Variants in SHISA9 observed in about 807,000 individuals in gnomAD.
The protein encoded by SHISA9 is shisa family member 9.
Under a neutral mutation model 38.0 loss-of-function variants are expected in SHISA9, and 13 were observed. The observed-to-expected ratio is 0.34, with a 90% CI of 0.22 to 0.54. The LOEUF (loss-of-function observed/expected upper bound fraction) is 0.54, where lower values mean the gene tolerates loss of function less well. Among genes scored for constraint, SHISA9 ranks in the 20% least tolerant of loss-of-function variants. The pLI, the probability that SHISA9 is intolerant of heterozygous loss-of-function variation, is 0.91. For missense variants in SHISA9, 538 were observed against 575.8 expected (o/e 0.93, Z 0.67); for synonymous variants, 275 against 242.0 (o/e 1.14, Z -1.27).
At chr16:13,161,250 C>A (rs1149419) in intron 2 of SHISA9, among the ~76,000 whole-genome samples, 117,479 of 151,942 alleles carry the variant, frequency 0.77, 45,501 homozygotes, top group East Asian at 0.88. Context: ...GCGTGGTGAG[C>A]CCTTTGCTAC....
intron 2 of SHISA9, among the ~76,000 whole-genome samples, chr16:13,070,836 C>T (rs1280386908): frequency 1.3e-5 from 2 of 152,142 alleles, no homozygotes; most frequent in African/African-American, 4.8e-5. Context: ...GGGATTCGAA[C>T]CCAGGAGTGT....
intron 2 of SHISA9, among the ~76,000 whole-genome samples, chr16:13,063,299 C>T (rs1429479960): frequency 5.9e-5 from 9 of 152,146 alleles, no homozygotes; most frequent in Admixed American, 5.9e-4. Flanking sequence ...AGCCACTGCA[C>T]CTGGCCCTCA....
At chr16:13,137,438 A>G (rs1301113371) in intron 2 of SHISA9, among the ~76,000 whole-genome samples, 1 of 152,062 alleles carries the variant, frequency 6.6e-6, no homozygotes, top group Non-Finnish European at 1.5e-5. Context: ...TAGAGAGCCC[A>G]TAACGGAGGA....
At chr16:13,059,569 G>T (rs1223309315) in intron 2 of SHISA9, among the ~76,000 whole-genome samples, 1 of 151,958 alleles carries the variant, frequency 6.6e-6, no homozygotes, top group African/African-American at 2.4e-5. Context: ...ACATGCGGGG[G>T]GTCTTCATAC....
In SHISA9 at chr16:13,017,818, C is replaced by G. The variant is rs189306222; in HGVS notation, c.691+101003C>G. On this transcript the variant is annotated intron_variant, in intron 2 of 4. Coordinates refer to ENST00000558583, the MANE Select transcript of SHISA9 (RefSeq NM_001145204.3). ...GCTGCAAGGACATGAACACTGCTAACTGGTGATCTACTCAAGTCTTACTAG... is the reference window on the plus strand; with the variant it reads ...GCTGCAAGGACATGAACACTGCTAAGTGGTGATCTACTCAAGTCTTACTAG... Among the ~76,000 whole-genome samples the G allele has an allele frequency of 1.7e-3, 262 of 152,352 alleles. 2 individuals are homozygous for G. Among genetic ancestry groups the G allele is most frequent in the African/African-American group, 5.9e-3 (247 of 41,584 alleles).
the SHISA9 span, among the ~76,000 whole-genome samples, chr16:13,316,033 G>C: frequency 6.6e-6 from 1 of 151,608 alleles, no homozygotes; most frequent in Non-Finnish European, 1.5e-5. Context: ...AAAAGAGAGA[G>C]AGCTTCAGAT....
chr16:12,917,386 C>G (rs1456000475), intron 2 of SHISA9, among the ~76,000 whole-genome samples: 1 of 152,034 alleles, frequency 6.6e-6, no homozygotes, highest in Non-Finnish European at 1.5e-5. Flanking sequence ...AATTTCGGTC[C>G]TGTTGATTTG....
the SHISA9 span, among the ~76,000 whole-genome samples, chr16:13,460,616 A>AGAACTTGTACTC: frequency 1.3e-5 from 2 of 152,216 alleles, no homozygotes; most frequent in Admixed American, 1.3e-4. Context: ...AGGTTCGAGT[A>AGAACTTGTACTC]GAACTTGTTT....
the SHISA9 span, among the ~76,000 whole-genome samples, chr16:13,302,796 G>A: frequency 1.2e-4 from 18 of 152,184 alleles, no homozygotes; most frequent in African/African-American, 4.3e-4. Context: ...CATGTGTCGA[G>A]GGAGGGACTT....
At chr16:13,520,717 T>C in the SHISA9 span, among the ~76,000 whole-genome samples, 1 of 148,856 alleles carries the variant, frequency 6.7e-6, no homozygotes, top group Admixed American at 6.7e-5. Flanking sequence ...TAAAGGCATA[T>C]GTATGTGGAG....
intron 2 of SHISA9, among the ~76,000 whole-genome samples, chr16:13,052,409 C>A (rs1436533396): frequency 1.3e-5 from 2 of 152,124 alleles, no homozygotes; most frequent in Admixed American, 6.5e-5. Flanking sequence ...AGCAATGAGG[C>A]CAAGAAGCCC....
chr16:12,953,213 A>G (rs1369927325), intron 2 of SHISA9, among the ~76,000 whole-genome samples: 6 of 150,970 alleles, frequency 4.0e-5, no homozygotes, highest in Middle Eastern at 3.4e-3. Flanking sequence ...ACCCCTCAAC[A>G]ACAACAACAA....
At chr16:13,491,056 A>G in the SHISA9 span, among the ~76,000 whole-genome samples, 1,375 of 152,314 alleles carry the variant, frequency 9.0e-3, 7 homozygotes, top group Non-Finnish European at 0.012. Flanking sequence ...TCATGTAACT[A>G]TGTTCACTGA....
At chr16:12,956,328 T>C (rs1014915222) in intron 2 of SHISA9, among the ~76,000 whole-genome samples, 3 of 152,180 alleles carry the variant, frequency 2.0e-5, no homozygotes, top group Non-Finnish European at 4.4e-5. Flanking sequence ...TAGAGATATC[T>C]CAAAGAATTA....
the SHISA9 span, among the ~76,000 whole-genome samples, chr16:13,525,424 A>C: frequency 6.6e-6 from 1 of 152,330 alleles, no homozygotes; most frequent in Non-Finnish European, 1.5e-5. Flanking sequence ...ATAACAAAAA[A>C]CTGGATGAGT....
At chr16:13,080,232 G>T (rs1430400629) in intron 2 of SHISA9, among the ~76,000 whole-genome samples, 1 of 152,162 alleles carries the variant, frequency 6.6e-6, no homozygotes, top group Admixed American at 6.5e-5. Context: ...AATTAGCTGG[G>T]CGTGGTGGTG....
At chr16:13,058,721 T>C (rs1012126889) in intron 2 of SHISA9, among the ~76,000 whole-genome samples, 5 of 152,054 alleles carry the variant, frequency 3.3e-5, no homozygotes, top group Non-Finnish European at 7.4e-5. Context: ...CCATGATGGC[T>C]ACATGTCATT....
chr16:13,306,401 G>C, the SHISA9 span, among the ~76,000 whole-genome samples: 1 of 152,138 alleles, frequency 6.6e-6, no homozygotes, highest in Admixed American at 6.5e-5. Flanking sequence ...GTGCCATACT[G>C]CTGTTCTTTA....
rs2050793288 is a variant in SHISA9, at chr16:13,183,310, A to G, written c.692-20084A>G. ...CAGAAAATACAATCTGCCACAGATT[A>G]GGTAACACACTTGAAAAGTGTTAAC... On this transcript the variant is annotated intron_variant, in intron 2 of 4. Coordinates refer to ENST00000558583, the MANE Select transcript of SHISA9 (RefSeq NM_001145204.3). Among the ~76,000 whole-genome samples, 3 of 152,408 alleles carry G rather than the reference A, an allele frequency of 2.0e-5. No individual in the cohort carries two copies. In the South Asian group the frequency reaches 6.2e-4, roughly 32 times the overall value.
Sources: allele counts gnomAD v4.1 joint callset (sites outside exome capture counted in the v4.1 genomes callset), GRCh38; gene constraint gnomAD v4.1.1; transcripts MANE v1.5; gene names NCBI Gene and HGNC (gene_info 2026-07-23, HGNC 2026-07-21).